The following TXNDC16 variants were observed in gnomAD, a reference collection of about 807,000 sequenced individuals.
The protein encoded by TXNDC16 is thioredoxin domain-containing protein 16.
In TXNDC16, 74 loss-of-function variants were observed where a neutral mutation model predicts 85.6. The ratio of observed to expected loss-of-function variants is 0.86; its 90% CI spans 0.72 to 1.05. The LOEUF is 1.05. Among genes scored for constraint, TXNDC16 ranks in the 50% least tolerant of loss-of-function variants. TXNDC16 has a pLI of 0.00. For missense variants in TXNDC16, 959 were observed against 947.0 expected (o/e 1.01, Z -0.17); for synonymous variants, 335 against 326.5 (o/e 1.03, Z -0.28).
chr14:52,507,487 GC>G (rs1248399424), intron 9 of TXNDC16, among the ~76,000 whole-genome samples: 5 of 152,150 alleles, frequency 3.3e-5, no homozygotes, highest in African/African-American at 1.2e-4. Flanking sequence ...TGGCCATACT[GC>G]CCAAGGTAAT....
intron 15 of TXNDC16, 29 bp downstream of exon 15, chr14:52,470,481 CAG>C: frequency 6.3e-7 from 1 of 1,592,624 alleles, no homozygotes; most frequent in Non-Finnish European, 8.5e-7. Flanking sequence ...CCTAAACATT[CAG>C]AGATCTTATA....
chr14:52,545,635 T>G (rs1394006855), intron 1 of TXNDC16, among the ~76,000 whole-genome samples: 1 of 152,072 alleles, frequency 6.6e-6, no homozygotes, highest in Non-Finnish European at 1.5e-5. Flanking sequence ...AGAACTAAAT[T>G]TTCAACTTTC....
At chr14:52,495,224 T>C (rs746319097) in intron 9 of TXNDC16, among the ~76,000 whole-genome samples, 1 of 152,176 alleles carries the variant, frequency 6.6e-6, no homozygotes, top group Non-Finnish European at 1.5e-5. Context: ...GATTCTACTT[T>C]ACAGATGGCT....
intron 16 of TXNDC16, among the ~76,000 whole-genome samples, chr14:52,465,257 AG>A (rs2035744721): frequency 6.6e-6 from 1 of 152,168 alleles, no homozygotes; most frequent in South Asian, 2.1e-4. Flanking sequence ...AAAAACAAGG[AG>A]GAGGGAAGTT....
intron 9 of TXNDC16, among the ~76,000 whole-genome samples, chr14:52,491,602 A>C (rs1471203830): frequency 9.2e-6 from 1 of 109,140 alleles, no homozygotes; most frequent in Non-Finnish European, 1.8e-5. Context: ...AAAACAATAA[A>C]TAAGTGTGGG....
At chr14:52,493,080 A>C (rs2036444591) in intron 9 of TXNDC16, among the ~76,000 whole-genome samples, 1 of 151,992 alleles carries the variant, frequency 6.6e-6, no homozygotes, top group Non-Finnish European at 1.5e-5. Flanking sequence ...GTTCAAGACC[A>C]GCCTGGGCTA....
chr14:52,528,869 C>A (rs1021734983), intron 6 of TXNDC16, among the ~76,000 whole-genome samples: 52 of 141,254 alleles, frequency 3.7e-4, no homozygotes, highest in African/African-American at 1.1e-3. Context: ...ATATATAATA[C>A]CTATTATATA....
intron 6 of TXNDC16, among the ~76,000 whole-genome samples, chr14:52,534,437 T>C (rs187421639): frequency 8.1e-4 from 124 of 152,298 alleles, no homozygotes; most frequent in Admixed American, 3.2e-3. Context: ...TCAGCTATCA[T>C]TAGTGTACTT....
At chr14:52,458,888 A>C (rs2035593574) in intron 16 of TXNDC16, among the ~76,000 whole-genome samples, 1 of 152,242 alleles carries the variant, frequency 6.6e-6, no homozygotes, top group East Asian at 1.9e-4. Context: ...GTGTTTGTAA[A>C]TCCTAAGTGA....
At chr14:52,538,856 A>T (rs1323998972) in intron 4 of TXNDC16, among the ~76,000 whole-genome samples, 1 of 152,226 alleles carries the variant, frequency 6.6e-6, no homozygotes, top group East Asian at 1.9e-4. Context: ...TTTGTTTAAA[A>T]GGCTACAAAA....
At chr14:52,470,868 TCTC>T (rs1207120364) in intron 14 of TXNDC16, among the ~76,000 whole-genome samples, 188 bp from the exon 15 acceptor site, 1 of 152,182 alleles carries the variant, frequency 6.6e-6, no homozygotes, top group Non-Finnish European at 1.5e-5. Flanking sequence ...CTTTCTAGCT[TCTC>T]CTTTTTGTTC....
Position 52,482,212 on chromosome 14 carries a change from C to G in TXNDC16, c.1312+18G>C. 6.2e-7 allele frequency: 1 copy of G among 1,600,966 alleles called. No homozygotes were observed. The highest frequency in any genetic ancestry group is 8.5e-7 in the Non-Finnish European group (1 of 1,172,854). ...GCTTAGAATCAGAATAATAAGCATG[C>G]ATAGCACAGTACACTACCTTTCAGT... On this transcript the variant is annotated intron_variant, in intron 14 of 20. Coordinates refer to ENST00000281741, the MANE Select transcript of TXNDC16 (RefSeq NM_020784.3).
chr14:52,507,950 A>G (rs939950251), intron 9 of TXNDC16, among the ~76,000 whole-genome samples: 3 of 152,338 alleles, frequency 2.0e-5, no homozygotes, highest in Non-Finnish European at 1.5e-5. Flanking sequence ...TAGACCTAAA[A>G]CCATAAAAAC....
At chr14:52,479,608 T>C (rs540995177) in intron 14 of TXNDC16, among the ~76,000 whole-genome samples, 1 of 151,996 alleles carries the variant, frequency 6.6e-6, no homozygotes, top group South Asian at 2.1e-4. Context: ...GGAATATACC[T>C]AACCAAGGAG....
intron 8 of TXNDC16, among the ~76,000 whole-genome samples, chr14:52,512,968 T>A (rs2036992441): frequency 6.6e-6 from 1 of 152,122 alleles, no homozygotes; most frequent in African/African-American, 2.4e-5. Context: ...CTCTCTCACT[T>A]GCTCAAGTAA....
At chr14:52,542,811 T>C (rs1388365153) in intron 3 of TXNDC16, among the ~76,000 whole-genome samples, 1 of 152,190 alleles carries the variant, frequency 6.6e-6, no homozygotes. Flanking sequence ...AATATCATTT[T>C]CTAATCACAA....
At chr14:52,471,867 G>T (rs1182805792) in intron 14 of TXNDC16, among the ~76,000 whole-genome samples, 1 of 150,984 alleles carries the variant, frequency 6.6e-6, no homozygotes, top group Non-Finnish European at 1.5e-5. Flanking sequence ...ATAAATCACT[G>T]TGTGGAAAGA....
At chr14:52,541,236 CA>C (rs5808678) in intron 4 of TXNDC16, among the ~76,000 whole-genome samples, 82 of 142,158 alleles carry the variant, frequency 5.8e-4, no homozygotes, top group Admixed American at 7.8e-4. Context: ...AACTCTGTCT[CA>C]AAAAAAAAAA....
chr14:52,542,566 A>G, intron 3 of TXNDC16, 113 bp from the exon 4 acceptor site: 3 of 636,442 alleles, frequency 4.7e-6, no homozygotes, highest in South Asian at 4.3e-5. Flanking sequence ...ACAACAAATA[A>G]CTAAACATAT....
Sources: allele counts gnomAD v4.1 joint callset (sites outside exome capture counted in the v4.1 genomes callset), GRCh38; gene constraint gnomAD v4.1.1; transcripts MANE v1.5; gene names NCBI Gene and HGNC (gene_info 2026-07-23, HGNC 2026-07-21).